Variants in ZNF804B observed in about 807,000 individuals in gnomAD.
The protein encoded by ZNF804B is zinc finger protein 804B, also known as zinc finger 804B.
In ZNF804B, 80 loss-of-function variants were observed where a neutral mutation model predicts 101.4. The observed-to-expected ratio is 0.79, with a 90% CI of 0.66 to 0.95. ZNF804B has a LOEUF of 0.95. Ranked by LOEUF, ZNF804B falls within the 40% of genes least tolerant of loss-of-function variation. The pLI, the probability that ZNF804B is intolerant of heterozygous loss-of-function variation, is 0.00. For synonymous variants in ZNF804B, 622 were observed against 558.8 expected (o/e 1.11, Z -1.59); for missense variants, 1,673 against 1,561.9 (o/e 1.07, Z -1.20).
At chr7:88,851,559 A>T in intron 1 of ZNF804B, among the ~76,000 whole-genome samples, 1 of 152,008 alleles carries the variant, frequency 6.6e-6, no homozygotes, top group East Asian at 1.9e-4. Context: ...GATGAAATAA[A>T]GATTTTTTTT....
At chr7:88,985,071 T>A (rs374173674) in intron 1 of ZNF804B, among the ~76,000 whole-genome samples, 2 of 152,084 alleles carry the variant, frequency 1.3e-5, no homozygotes, top group Non-Finnish European at 2.9e-5. Context: ...TAAGGTCTTA[T>A]GATAGTAAAA....
At chr7:89,292,313 G>T (rs1790309858) in intron 2 of ZNF804B, among the ~76,000 whole-genome samples, 1 of 152,048 alleles carries the variant, frequency 6.6e-6, no homozygotes, top group Admixed American at 6.6e-5. Context: ...AAGACAAAAA[G>T]TTGAATGAAT....
chr7:89,085,528 AC>A (rs558474921), intron 1 of ZNF804B, among the ~76,000 whole-genome samples: 19 of 151,818 alleles, frequency 1.3e-4, no homozygotes, highest in Non-Finnish European at 2.5e-4. Flanking sequence ...AATCCATGGA[AC>A]CGTGGTTAAT....
chr7:88,967,070 C>T (rs1793465295), intron 1 of ZNF804B, among the ~76,000 whole-genome samples: 1 of 150,974 alleles, frequency 6.6e-6, no homozygotes. Flanking sequence ...ATTTTACTTA[C>T]ATATGCCTTA....
intron 1 of ZNF804B, among the ~76,000 whole-genome samples, chr7:89,114,659 G>T (rs187064365): frequency 1.6e-4 from 25 of 152,270 alleles, no homozygotes; most frequent in Non-Finnish European, 2.9e-4. Flanking sequence ...TTACACAGAT[G>T]TGAAAAGGCC....
intron 1 of ZNF804B, among the ~76,000 whole-genome samples, chr7:89,067,525 T>C (rs1326733809): frequency 1.3e-5 from 2 of 152,170 alleles, no homozygotes; most frequent in African/African-American, 2.4e-5. Flanking sequence ...ATAAGCCTAG[T>C]CTAGCCCAGC....
intron 1 of ZNF804B, among the ~76,000 whole-genome samples, chr7:88,870,213 C>T (rs1007610252): frequency 2.1e-4 from 32 of 150,580 alleles, no homozygotes; most frequent in East Asian, 1.4e-3. Flanking sequence ...GGTGAAACCC[C>T]GTCTCTACTA....
intron 2 of ZNF804B, among the ~76,000 whole-genome samples, chr7:89,238,970 A>G (rs1789323135): frequency 6.6e-6 from 1 of 152,140 alleles, no homozygotes. Flanking sequence ...ACCTTCTTGT[A>G]ATATCTACTC....
At chr7:88,840,798 T>C (rs1221237274) in intron 1 of ZNF804B, among the ~76,000 whole-genome samples, 1 of 152,134 alleles carries the variant, frequency 6.6e-6, no homozygotes, top group Admixed American at 6.6e-5. Context: ...TGAACAAGCT[T>C]TCTTAATGAG....
At position 89,265,287 on chromosome 7, in the gene ZNF804B, T is replaced by TGCGC. The variant is rs1305175529; in HGVS notation, c.249+46993_249+46994insCGCG. On this transcript the variant is annotated intron_variant, in intron 2 of 3. Coordinates refer to ENST00000333190, the MANE Select transcript of ZNF804B (RefSeq NM_181646.5). ...GTCAGTGTGTGTGTGTGTGTGTGTG[T>TGCGC]GTGTGTGCGCGTGCGCGCGCGCACA... Among the ~76,000 whole-genome samples, 6 of 107,532 alleles carry TGCGC rather than the reference T, an allele frequency of 5.6e-5. No homozygotes were observed. The East Asian group carries it at 1.3e-3, about 24-fold the overall frequency. The allele number at this position is 107,532 out of a possible 152,430, so 70.5% of individuals were successfully genotyped here. A position where few individuals can be genotyped will look rare whatever the true frequency, so the allele number is the denominator to read the frequency against.
intron 1 of ZNF804B, among the ~76,000 whole-genome samples, chr7:88,888,722 G>T (rs975722240): frequency 1.3e-5 from 2 of 152,046 alleles, no homozygotes; most frequent in Admixed American, 6.5e-5. Context: ...AAGCATTTTA[G>T]TATTTTAAAG....
chr7:89,020,996 G>C (rs1788658246), intron 1 of ZNF804B, among the ~76,000 whole-genome samples: 1 of 151,894 alleles, frequency 6.6e-6, no homozygotes, highest in South Asian at 2.1e-4. Flanking sequence ...GAAAATTACT[G>C]TGTTCTTTTG....
intron 1 of ZNF804B, among the ~76,000 whole-genome samples, chr7:89,063,799 G>A (rs929584411): frequency 6.6e-6 from 1 of 152,080 alleles, no homozygotes; most frequent in African/African-American, 2.4e-5. Context: ...AAGTATCTAG[G>A]CAAGTAGAAT....
intron 1 of ZNF804B, among the ~76,000 whole-genome samples, chr7:89,166,066 T>A (rs1419217309): frequency 6.6e-6 from 1 of 152,170 alleles, no homozygotes; most frequent in Non-Finnish European, 1.5e-5. Context: ...TTTCCACAAT[T>A]GTGAAAAAGA....
chr7:88,931,272 A>T (rs1792880658), intron 1 of ZNF804B, among the ~76,000 whole-genome samples: 1 of 151,936 alleles, frequency 6.6e-6, no homozygotes, highest in Non-Finnish European at 1.5e-5. Flanking sequence ...TAATTCATGC[A>T]TGATAGATAA....
intron 1 of ZNF804B, among the ~76,000 whole-genome samples, chr7:88,873,461 C>T (rs538815865): frequency 0.028 from 4,276 of 152,200 alleles, 213 homozygotes; most frequent in African/African-American, 0.097. Flanking sequence ...TGTGCAGAAG[C>T]TCTTTAGTTT....
intron 1 of ZNF804B, among the ~76,000 whole-genome samples, chr7:88,893,321 A>G (rs1409791828): frequency 6.6e-6 from 1 of 152,124 alleles, no homozygotes. Flanking sequence ...GGACATACTT[A>G]TCTGAACATC....
intron 1 of ZNF804B, among the ~76,000 whole-genome samples, chr7:89,147,313 A>G (rs1790806690): frequency 6.6e-6 from 1 of 152,022 alleles, no homozygotes; most frequent in East Asian, 1.9e-4. Flanking sequence ...AGCAATGACC[A>G]GATCCCTATT....
At chr7:89,156,046 T>TTCTTTCTTTCTTTCTC (rs1790963363) in intron 1 of ZNF804B, among the ~76,000 whole-genome samples, 5 of 88,716 alleles carry the variant, frequency 5.6e-5, no homozygotes, top group African/African-American at 2.0e-4. Context: ...CTTTCTTTCT[T>TTCTTTCTTTCTTTCTC]TCTTTCTTTC....
Sources: gnomAD v4.1 joint callset for allele counts (sites outside exome capture counted in the v4.1 genomes callset) on GRCh38, gnomAD v4.1.1 for gene constraint, MANE v1.5 for transcripts, NCBI Gene and HGNC (gene_info 2026-07-23, HGNC 2026-07-21) for gene names.